Variants in MATN2 observed in about 807,000 individuals in gnomAD.
The protein encoded by MATN2 is matrilin-2.
In MATN2, 69 loss-of-function variants were observed where a neutral mutation model predicts 103.2. The observed-to-expected ratio is 0.67, with a 90% CI of 0.55 to 0.82. The LOEUF (loss-of-function observed/expected upper bound fraction) is 0.82. MATN2 is among the 40% of genes least tolerant of loss of function. The probability of loss-of-function intolerance (pLI) is 0.00; values close to 1 mark genes in which losing one functional copy is unlikely to be tolerated. For synonymous variants in MATN2, 429 were observed against 450.2 expected (o/e 0.95, Z 0.60); for missense variants, 1,023 against 1,211.5 (o/e 0.84, Z 2.31).
intron 2 of MATN2, among the ~76,000 whole-genome samples, chr8:97,888,455 T>C (rs960177610): frequency 1.4e-4 from 22 of 152,224 alleles, no homozygotes; most frequent in African/African-American, 5.3e-4. Flanking sequence ...TTGAAGCCTT[T>C]AATTGAATCT....
chr8:98,033,916 G>A, intron 18 of MATN2: 1 of 513,130 alleles, frequency 1.9e-6, no homozygotes, highest in East Asian at 3.3e-5. Flanking sequence ...AGGCCTGTCA[G>A]TCAGCATACA....
rs149595884 is a variant in MATN2, at chr8:97,899,308, T to C, written c.142+11066T>C. Among the ~76,000 whole-genome samples the C allele has an allele frequency of 7.8e-3, 1,187 of 152,320 alleles. 19 individuals carry two copies. Among genetic ancestry groups the C allele is most frequent in the African/African-American group, 0.027 (1,137 of 41,562 alleles). ...AAGGTGCCTGGTACACAGCAGGTAT[T>C]CCATAAATGCCTATAGGAAAAGTAA... On this transcript the variant is annotated intron_variant, in intron 2 of 18. Coordinates refer to ENST00000254898, the MANE Select transcript of MATN2 (RefSeq NM_002380.5).
chr8:98,024,259 C>T (rs1211211261), intron 13 of MATN2, among the ~76,000 whole-genome samples: 4 of 152,154 alleles, frequency 2.6e-5, no homozygotes, highest in African/African-American at 9.7e-5. Context: ...AATCCCGGCA[C>T]CTTGAGAGGC....
At position 97,899,496 on chromosome 8, in the gene MATN2, G is replaced by A. The variant is rs1586391421; in HGVS notation, c.142+11254G>A. Among the ~76,000 whole-genome samples, 20 of 152,224 alleles carry A rather than the reference G, an allele frequency of 1.3e-4. 1 individual carries two copies. The South Asian group carries it at 3.9e-3, about 30-fold the overall frequency. ...GCTAGAAGTCTGAGCTCAAGGTGTCGGCTGTGTTGGTTTCTTCTGAGCCCT... is the reference window on the plus strand; with the variant it reads ...GCTAGAAGTCTGAGCTCAAGGTGTCAGCTGTGTTGGTTTCTTCTGAGCCCT... On this transcript the variant is annotated intron_variant, in intron 2 of 18. Transcript: ENST00000254898.
intron 2 of MATN2, among the ~76,000 whole-genome samples, chr8:97,901,772 T>C (rs1818991884): frequency 6.6e-6 from 1 of 152,136 alleles, no homozygotes; most frequent in Non-Finnish European, 1.5e-5. Flanking sequence ...ATCAGCAAAA[T>C]AAGTCCTTAA....
At chr8:97,947,731 C>G (rs1327544792) in intron 4 of MATN2, among the ~76,000 whole-genome samples, 1 of 152,174 alleles carries the variant, frequency 6.6e-6, no homozygotes, top group Non-Finnish European at 1.5e-5. Flanking sequence ...AAAATCCTAG[C>G]AGACCTATTT....
intron 2 of MATN2, among the ~76,000 whole-genome samples, chr8:97,902,366 G>A (rs764713533): frequency 1.1e-4 from 16 of 151,066 alleles, no homozygotes; most frequent in East Asian, 1.9e-4. Context: ...GTGTGGTGGC[G>A]GGCACCTGTA....
chr8:97,883,057 A>C (rs1586372954), intron 1 of MATN2, among the ~76,000 whole-genome samples: 1 of 151,962 alleles, frequency 6.6e-6, no homozygotes, highest in Non-Finnish European at 1.5e-5. Context: ...TAAACCTAGC[A>C]CCCTGAGAGG....
intron 11 of MATN2, among the ~76,000 whole-genome samples, chr8:98,017,532 G>A (rs889039978): frequency 1.3e-5 from 2 of 152,192 alleles, no homozygotes; most frequent in Non-Finnish European, 2.9e-5. Context: ...AAGAAAAGAT[G>A]GGTAACTGGA....
At chr8:97,956,572 G>A (rs11994234) in intron 4 of MATN2, among the ~76,000 whole-genome samples, 2 of 152,144 alleles carry the variant, frequency 1.3e-5, no homozygotes, top group Non-Finnish European at 2.9e-5. Flanking sequence ...TGACACGGAG[G>A]AGGTGGTTAC....
intron 5 of MATN2, among the ~76,000 whole-genome samples, chr8:97,975,710 A>T (rs1240557806): frequency 6.6e-6 from 1 of 152,108 alleles, no homozygotes; most frequent in Non-Finnish European, 1.5e-5. Flanking sequence ...GGATTGGGAG[A>T]TTTTCATCAT....
At chr8:98,012,544 T>C (rs1480379138) in intron 10 of MATN2, among the ~76,000 whole-genome samples, 1 of 152,108 alleles carries the variant, frequency 6.6e-6, no homozygotes, top group Non-Finnish European at 1.5e-5. Flanking sequence ...AGTTCTGTGC[T>C]CTGAGTACGG....
At chr8:97,928,515 T>C (rs572206813) in intron 2 of MATN2, among the ~76,000 whole-genome samples, 92 of 152,302 alleles carry the variant, frequency 6.0e-4, no homozygotes, top group African/African-American at 2.0e-3. Flanking sequence ...CGTGAGCCAC[T>C]GCACCTGGCT....
chr8:97,882,460 A>T (rs1219095263), intron 1 of MATN2, among the ~76,000 whole-genome samples: 2 of 151,720 alleles, frequency 1.3e-5, no homozygotes, highest in Non-Finnish European at 2.9e-5. Context: ...GGCAGTGATC[A>T]TGGCTCACTG....
Position 97,911,081 on chromosome 8 carries a change from C to T in MATN2, c.143-19872C>T, listed in dbSNP as rs532727836. ...TTGGCTCACTGCAACCTCCACCTCC[C>T]GCCTTCAAGCGTTTCTCCTGCCTCA... On this transcript the variant is annotated intron_variant, in intron 2 of 18. Transcript: ENST00000254898. Among the ~76,000 whole-genome samples the T allele has an allele frequency of 4.3e-4, 65 of 152,242 alleles. No individual in the cohort carries two copies. In the South Asian group the frequency reaches 5.4e-3, roughly 13 times the overall value.
At position 98,021,221 on chromosome 8, in the gene MATN2, A is replaced by G. The variant is rs140221245; in HGVS notation, c.1836A>G (p.Lys612=). 52 of 1,613,594 alleles carry G rather than the reference A, an allele frequency of 3.2e-5. No homozygotes were observed. The East Asian group carries it at 1.2e-3, about 36-fold the overall frequency. ...GKRCRRKDVC[K]STHHGCEHIC... ...TTTCCTCAGGGAAGGATGTCTGCAAATCAACCCACCATGGCTGCGAACACA... is the reference window on the plus strand; with the variant it reads ...TTTCCTCAGGGAAGGATGTCTGCAAGTCAACCCACCATGGCTGCGAACACA... Residue 612 remains lysine, a synonymous_variant, in exon 13 of 19, where the codon AAA becomes AAG. Coordinates refer to ENST00000254898, the MANE Select transcript of MATN2 (RefSeq NM_002380.5).
intron 2 of MATN2, among the ~76,000 whole-genome samples, chr8:97,914,910 A>G (rs542196065): frequency 1.3e-5 from 2 of 152,320 alleles, no homozygotes; most frequent in South Asian, 4.1e-4. Context: ...CACCTTGTCC[A>G]GGGATCTTCC....
intron 10 of MATN2, among the ~76,000 whole-genome samples, chr8:98,011,821 T>C (rs942258875): frequency 2.0e-5 from 3 of 152,160 alleles, no homozygotes; most frequent in African/African-American, 7.2e-5. Flanking sequence ...ACAGAACACG[T>C]TGCCCCACTG....
At position 97,950,554 on chromosome 8, in the gene MATN2, C is replaced by T. The variant is rs529929104; in HGVS notation, c.835+8655C>T. Reference sequence around the variant, plus strand: ...GGTATTTTTCTTACATATTAGGGACCCAAGAAACATTCAGATCTTGGCTTC... The same window carrying T: ...GGTATTTTTCTTACATATTAGGGACTCAAGAAACATTCAGATCTTGGCTTC... On this transcript the variant is annotated intron_variant, in intron 4 of 18. Transcript: ENST00000254898. Among the ~76,000 whole-genome samples the T allele has an allele frequency of 2.6e-5, 4 of 152,176 alleles. No individual in the cohort carries two copies. In the South Asian group the frequency reaches 8.3e-4, roughly 32 times the overall value.
Sources: gnomAD v4.1 joint callset for allele counts (sites outside exome capture counted in the v4.1 genomes callset) on GRCh38, gnomAD v4.1.1 for gene constraint, MANE v1.5 for transcripts, NCBI Gene and HGNC (gene_info 2026-07-23, HGNC 2026-07-21) for gene names.